MLIP: variants seen among roughly 807,000 people sequenced by gnomAD.
MLIP encodes muscular LMNA-interacting protein.
Under a neutral mutation model 84.8 loss-of-function variants are expected in MLIP, and 79 were observed. The observed-to-expected ratio is 0.93, with a 90% CI of 0.78 to 1.12. The LOEUF (loss-of-function observed/expected upper bound fraction) is 1.12, where lower values mean the gene tolerates loss of function less well. Among genes scored for constraint, MLIP ranks in the 50% most tolerant of loss-of-function variants. The pLI, the probability that MLIP is intolerant of heterozygous loss-of-function variation, is 0.00. For missense variants in MLIP, 1,257 were observed against 1,160.6 expected (o/e 1.08, Z -1.21); for synonymous variants, 504 against 463.0 (o/e 1.09, Z -1.14).
intron 1 of MLIP, among the ~76,000 whole-genome samples, chr6:54,106,380 G>A (rs1160222370): frequency 6.6e-6 from 1 of 152,132 alleles, no homozygotes; most frequent in East Asian, 1.9e-4. Flanking sequence ...CAGCCTGACA[G>A]GGATACGGAT....
intron 1 of MLIP, among the ~76,000 whole-genome samples, chr6:54,097,683 A>G (rs1392121175): frequency 1.3e-5 from 2 of 152,206 alleles, no homozygotes; most frequent in African/African-American, 4.8e-5. Context: ...TTGGAGGTTA[A>G]TATTAATAAT....
At chr6:54,030,596 G>T (rs561627044) in intron 1 of MLIP, 4 of 151,654 alleles carry the variant, frequency 2.6e-5, no homozygotes, top group Non-Finnish European at 4.4e-5. Context: ...TCTGTTCAGG[G>T]TATCATACTA....
intron 8 of MLIP, among the ~76,000 whole-genome samples, chr6:54,163,720 T>C (rs1463332793): frequency 2.0e-5 from 3 of 151,982 alleles, no homozygotes; most frequent in African/African-American, 7.2e-5. Context: ...ACTTTATGTC[T>C]GAACACTTCT....
intron 11 of MLIP, among the ~76,000 whole-genome samples, chr6:54,205,224 C>A (rs1778957367): frequency 1.3e-5 from 2 of 152,308 alleles, no homozygotes; most frequent in South Asian, 4.1e-4. Flanking sequence ...CTCAGCATTG[C>A]TACTTCATCA....
chr6:54,257,965 T>A (rs1783124429), intron 13 of MLIP, among the ~76,000 whole-genome samples: 2 of 152,114 alleles, frequency 1.3e-5, no homozygotes, highest in Admixed American at 1.3e-4. Context: ...AAAAATGCTA[T>A]ACCACAGAAA....
intron 1 of MLIP, among the ~76,000 whole-genome samples, chr6:54,029,681 C>T (rs566433023): frequency 2.2e-4 from 34 of 152,106 alleles, no homozygotes; most frequent in African/African-American, 8.0e-4. Flanking sequence ...GAAATCATTG[C>T]ATAAGTTATG....
rs527647262 is a variant in MLIP, at chr6:54,257,340, T to A, written c.2955T>A (p.His985Gln). 4.3e-6 allele frequency: 7 copies of A among 1,612,354 alleles called. No homozygotes were observed. Among genetic ancestry groups the A allele is most frequent in the Non-Finnish European group, 3.4e-6 (4 of 1,178,736 alleles). ...LSHPMVAIPEHEALDSKEQ is the reference protein window; with the variant it reads ...LSHPMVAIPEQEALDSKEQ Reference sequence around the variant, plus strand: ...ATCCAATGGTGGCTATTCCTGAACATGAAGCTCTTGATTCCAAAGAGGTAA... The same window carrying A: ...ATCCAATGGTGGCTATTCCTGAACAAGAAGCTCTTGATTCCAAAGAGGTAA... Residue 985 changes from histidine to glutamine, a missense_variant, in exon 13 of 14, where the codon CAT (histidine) becomes CAA (glutamine). Coordinates refer to ENST00000502396, the MANE Select transcript of MLIP (RefSeq NM_001281747.2).
chr6:54,115,635 G>A (rs190916712), intron 1 of MLIP, among the ~76,000 whole-genome samples: 1 of 152,250 alleles, frequency 6.6e-6, no homozygotes, highest in Admixed American at 6.5e-5. Context: ...GGGTTAAGAA[G>A]CGTGGCATTG....
At chr6:54,102,509 C>T (rs981129820) in intron 1 of MLIP, among the ~76,000 whole-genome samples, 5 of 152,130 alleles carry the variant, frequency 3.3e-5, no homozygotes, top group African/African-American at 1.2e-4. Context: ...ATTCCTAAAA[C>T]ATCCAAAGCT....
intron 11 of MLIP, among the ~76,000 whole-genome samples, chr6:54,213,731 A>AC (rs5876369): frequency 0.39 from 42,527 of 110,306 alleles, 16,323 homozygotes; most frequent in Non-Finnish European, 0.53. Context: ...AAAAAAAAAA[A>AC]AAAAACAACA....
At chr6:54,262,461 A>G (rs1159996700) in intron 13 of MLIP, among the ~76,000 whole-genome samples, 2 of 152,064 alleles carry the variant, frequency 1.3e-5, no homozygotes, top group East Asian at 1.9e-4. Flanking sequence ...TACATAGTTC[A>G]TCTTAAGTTC....
intron 1 of MLIP, among the ~76,000 whole-genome samples, chr6:54,052,726 G>A (rs538382276): frequency 6.6e-6 from 1 of 152,212 alleles, no homozygotes; most frequent in African/African-American, 2.4e-5. Context: ...TTATTGAAAA[G>A]GGGAGAGTGA....
intron 11 of MLIP, among the ~76,000 whole-genome samples, chr6:54,225,627 C>G (rs1049946261): frequency 3.3e-5 from 5 of 152,140 alleles, no homozygotes; most frequent in Non-Finnish European, 7.4e-5. Context: ...AATATCAATG[C>G]AGATATCTCA....
rs747881206 is a variant in MLIP, at chr6:54,257,362, G to T, written c.2976+1G>T. ...ACATGAAGCTCTTGATTCCAAAGAG[G>T]TAAATGTAAGATAGGACTGGATATC... On this transcript the variant is annotated splice_donor_variant, in intron 13 of 13. Transcript: ENST00000502396. LOFTEE classifies it high-confidence loss of function. 2 of 1,603,622 alleles carry T rather than the reference G, an allele frequency of 1.2e-6. No homozygotes were observed. Among genetic ancestry groups the T allele is most frequent in the Non-Finnish European group, 1.7e-6 (2 of 1,171,102 alleles).
At chr6:54,078,894 T>C (rs1354574074) in intron 1 of MLIP, among the ~76,000 whole-genome samples, 1 of 152,058 alleles carries the variant, frequency 6.6e-6, no homozygotes, top group Non-Finnish European at 1.5e-5. Flanking sequence ...TTTCACCACG[T>C]TGGCCAGGCT....
chr6:54,086,274 A>C (rs1767482694), intron 1 of MLIP, among the ~76,000 whole-genome samples: 1 of 152,128 alleles, frequency 6.6e-6, no homozygotes, highest in Non-Finnish European at 1.5e-5. Context: ...TTCTAGGCTC[A>C]TATATCTAAC....
rs1282644334 is a variant in MLIP at position 54,065,940 on chromosome 6, A to T, written c.63+46849A>T. On this transcript the variant is annotated intron_variant, in intron 1 of 12. Transcript: ENST00000274897. ...ACTCTTCCAGTTTTCATACATAATAAATTATATGTATATACATCAAATACA... is the reference window on the plus strand; with the variant it reads ...ACTCTTCCAGTTTTCATACATAATATATTATATGTATATACATCAAATACA... Among the ~76,000 whole-genome samples the T allele has an allele frequency of 4.3e-4, 43 of 99,386 alleles. 9 individuals carry two copies. Among genetic ancestry groups the T allele is most frequent in the African/African-American group, 9.5e-4 (37 of 39,152 alleles). 65.2% of individuals were successfully genotyped at this position (99,386 alleles called of 152,430 possible). A position where few individuals can be genotyped will look rare whatever the true frequency, so the allele number is the denominator to read the frequency against.
At chr6:54,156,420 A>G (rs962810285) in intron 5 of MLIP, among the ~76,000 whole-genome samples, 11 of 152,108 alleles carry the variant, frequency 7.2e-5, no homozygotes, top group African/African-American at 2.7e-4. Flanking sequence ...GTGAATTTCA[A>G]TATCACAAGT....
At chr6:54,208,595 A>G (rs61237050) in intron 11 of MLIP, among the ~76,000 whole-genome samples, 1 of 152,122 alleles carries the variant, frequency 6.6e-6, no homozygotes, top group East Asian at 1.9e-4. Context: ...TCTTAAAAAA[A>G]TTTTTTTGTT....
Sources: allele counts gnomAD v4.1 joint callset (sites outside exome capture counted in the v4.1 genomes callset), GRCh38; gene constraint gnomAD v4.1.1; transcripts MANE v1.5; gene names NCBI Gene and HGNC (gene_info 2026-07-23, HGNC 2026-07-21).